The following SMC4 variants were observed in gnomAD, a reference collection of about 807,000 sequenced individuals.
The protein encoded by SMC4 is structural maintenance of chromosomes 4.
A neutral mutation model predicts 145.6 loss-of-function variants in SMC4; 87 were observed. The ratio of observed to expected loss-of-function variants is 0.60; its 90% CI spans 0.50 to 0.71. SMC4 has a LOEUF of 0.71. Among genes scored for constraint, SMC4 ranks in the 30% least tolerant of loss-of-function variants. SMC4 has a pLI of 0.00. For synonymous variants in SMC4, 558 were observed against 500.7 expected, an observed-to-expected ratio of 1.11 and a Z score of -1.53; for missense variants, 1,447 against 1,537.1, an observed-to-expected ratio of 0.94 and a Z score of 0.98.
chr3:160,402,947 T>C, intron 4 of SMC4, 80 bp downstream of exon 4: 1 of 1,090,044 alleles, frequency 9.2e-7, no homozygotes, highest in South Asian at 1.8e-5. Flanking sequence ...TTTTTGGCTT[T>C]AAGAAATTTG....
chr3:160,402,919 AATGCATTACAT>A, intron 4 of SMC4, 52 bp downstream of exon 4: 1 of 1,281,468 alleles, frequency 7.8e-7, no homozygotes, highest in Non-Finnish European at 1.1e-6. Context: ...AATGGACTTA[AATGCATTACAT>A]ATTTTATTTT....
chr3:160,432,013 C>T (rs2108506317), intron 21 of SMC4, among the ~76,000 whole-genome samples, 188 bp downstream of exon 21: 2 of 152,270 alleles, frequency 1.3e-5, no homozygotes, highest in South Asian at 4.1e-4. Context: ...CCAGCTGGGC[C>T]AACATAGTGA....
chr3:160,402,648 G>A (rs1304430283), intron 3 of SMC4, 28 bp from the exon 4 acceptor site: 2 of 1,585,934 alleles, frequency 1.3e-6, no homozygotes, highest in South Asian at 1.2e-5. Flanking sequence ...GAACTTTTCC[G>A]TGTTTTGTTT....
At position 160,410,965 on chromosome 3, in the gene SMC4, T is replaced by G. The variant is rs182719418; in HGVS notation, c.688-955T>G. Among the ~76,000 whole-genome samples, 345 of 152,348 alleles carry G rather than the reference T, an allele frequency of 2.3e-3. 10 individuals carry two copies. Among genetic ancestry groups the G allele is most frequent in the Non-Finnish European group, 2.6e-3 (174 of 68,020 alleles). ...TTTTTTCATTTGCCTGTACCTATTC[T>G]TCCATTGTAATAGTCTAGAGTACAA... On this transcript the variant is annotated intron_variant, in intron 5 of 23. Coordinates refer to ENST00000357388, the MANE Select transcript of SMC4 (RefSeq NM_001002800.3).
chr3:160,414,609 G>A (rs1429673190), intron 9 of SMC4, 92 bp downstream of exon 9: 2 of 1,162,428 alleles, frequency 1.7e-6, no homozygotes, highest in Admixed American at 2.3e-5. Context: ...CTAAGAGAAT[G>A]AATTAGTATT....
chr3:160,402,285 TTTTG>T (rs1451940073), intron 3 of SMC4, among the ~76,000 whole-genome samples, 192 bp downstream of exon 3: 5 of 152,174 alleles, frequency 3.3e-5, no homozygotes, highest in African/African-American at 1.2e-4. Flanking sequence ...TGAAATTATC[TTTTG>T]TTTATCTGGT....
In SMC4 at chr3:160,402,673, C is replaced by A; in HGVS notation, c.319-3C>A. 6.3e-7 allele frequency: 1 copy of A among 1,598,022 alleles called. No individual in the cohort carries two copies. The highest frequency in any genetic ancestry group is 1.1e-5 in the South Asian group (1 of 87,114). On this transcript the variant is annotated splice_region_variant and splice_polypyrimidine_tract_variant and intron_variant, in intron 3 of 23. Coordinates refer to ENST00000357388, the MANE Select transcript of SMC4 (RefSeq NM_001002800.3). Reference sequence around the variant, plus strand: ...GTGTTTTGTTTTTGTTTTTTTAATGCAGCGCTTTTCCTGTATTATCGGGCC... The same window carrying A: ...GTGTTTTGTTTTTGTTTTTTTAATGAAGCGCTTTTCCTGTATTATCGGGCC...
chr3:160,433,297 A>G, intron 23 of SMC4, 88 bp downstream of exon 23: 1 of 936,466 alleles, frequency 1.1e-6, no homozygotes, highest in Non-Finnish European at 1.6e-6. Flanking sequence ...CTTACAATTG[A>G]GCTTTTTCTT....
chr3:160,431,845 G>T lies in SMC4; in HGVS notation c.3297+20G>T. 1 of 1,588,988 alleles carries T rather than the reference G, an allele frequency of 6.3e-7. No homozygotes were observed. Among genetic ancestry groups the T allele is most frequent in the Non-Finnish European group, 8.5e-7 (1 of 1,170,398 alleles). On this transcript the variant is annotated intron_variant, in intron 21 of 23. Coordinates refer to ENST00000357388, the MANE Select transcript of SMC4 (RefSeq NM_001002800.3). ...AAGAAGGTATGAATGAACTGTGTAT[G>T]TATACTAGTTGGAGTTCTTTTTAGT...
At chr3:160,420,581 C>T in intron 12 of SMC4, 159 bp from the exon 13 acceptor site, 2 of 597,242 alleles carry the variant, frequency 3.3e-6, no homozygotes, top group South Asian at 4.9e-5. Context: ...TATTCATAAA[C>T]TTATACATAT....
chr3:160,430,607 A>G lies in SMC4; in HGVS notation c.2804A>G (p.Gln935Arg). ...VAIKTADRNL[Q>R]KAQDSVLRTE... ...TCATTTTGCTTCTTTAGAAACCTTC[A>G]AAAGGCACAAGACTCTGTCTTGCGT... The change falls in exon 19 of 24, where the codon CAA becomes CGA. Residue 935 changes from glutamine (Q) to arginine (R), a missense_variant. Coordinates refer to ENST00000357388, the MANE Select transcript of SMC4 (RefSeq NM_001002800.3). The G allele has an allele frequency of 6.3e-7, 1 of 1,584,266 alleles. No individual in the cohort carries two copies. The highest frequency in any genetic ancestry group is 8.6e-7 in the Non-Finnish European group (1 of 1,168,510).
chr3:160,402,754 C>G lies in SMC4; in HGVS notation c.397C>G (p.Arg133Gly), dbSNP rs760279798. 2 of 1,611,038 alleles carry G rather than the reference C, an allele frequency of 1.2e-6. No homozygotes were observed. The highest frequency in any genetic ancestry group is 2.7e-5 in the African/African-American group (2 of 74,574). Residue 133 changes from arginine (R) to glycine (G), a missense_variant, in exon 4 of 24, where the codon CGA (arginine) becomes GGA (glycine). Transcript: ENST00000357388. ...IDSMLFVFGY[R>G]AQKIRSKKLS... ...TTCTATGCTTTTTGTGTTTGGCTAT[C>G]GAGCACAAAAAATAAGATCTAAAAA... is the stretch of plus-strand genomic sequence containing the variant.
intron 5 of SMC4, among the ~76,000 whole-genome samples, chr3:160,406,930 GACCAT>G (rs1559991391): frequency 6.6e-6 from 1 of 152,118 alleles, no homozygotes; most frequent in Non-Finnish European, 1.5e-5. Flanking sequence ...TGTTGTGATT[GACCAT>G]TGTGTTTTTT....
chr3:160,428,834 A>G lies in SMC4; in HGVS notation c.2687A>G (p.Asn896Ser), dbSNP rs1233169612. The G allele has an allele frequency of 1.9e-6, 3 of 1,607,572 alleles. No homozygotes were observed. Among genetic ancestry groups the G allele is most frequent in the Admixed American group, 1.7e-5 (1 of 57,706 alleles). ...CACAATACCATCGTAGAAATCAATA[A>G]TCATAAACTCAAGGCCCAACAAGAC... ...RLHNTIVEINNHKLKAQQDKL... is the reference protein window; with the variant it reads ...RLHNTIVEINSHKLKAQQDKL... The change falls in exon 18 of 24, where the codon AAT (asparagine) becomes AGT (serine). Residue 896 changes from asparagine (N) to serine (S), a missense_variant. By Grantham distance (46) the Asn-to-Ser change is conservative (BLOSUM62 1). Coordinates refer to ENST00000357388, the MANE Select transcript of SMC4 (RefSeq NM_001002800.3).
intron 22 of SMC4, 75 bp downstream of exon 22, chr3:160,432,590 A>T (rs1228735285): frequency 2.0e-6 from 2 of 991,590 alleles, no homozygotes; most frequent in Admixed American, 3.0e-5. Flanking sequence ...TATTTCTTGG[A>T]GGTAGGATGT....
chr3:160,412,191 A>G (rs1716065750), intron 6 of SMC4, 107 bp downstream of exon 6: 9 of 1,425,054 alleles, frequency 6.3e-6, no homozygotes. Flanking sequence ...AAGAAGTGTT[A>G]TATTGAAATT....
At chr3:160,425,619 G>T (rs1249469236) in intron 16 of SMC4, among the ~76,000 whole-genome samples, 1 of 151,202 alleles carries the variant, frequency 6.6e-6, no homozygotes, top group Non-Finnish European at 1.5e-5. Flanking sequence ...AATTTTTTTT[G>T]TATTATGTAC....
chr3:160,400,947 A>G lies in SMC4; in HGVS notation c.121A>G (p.Ser41Gly), dbSNP rs1714542924. 2 of 1,446,234 alleles carry G rather than the reference A, an allele frequency of 1.4e-6. No individual in the cohort carries two copies. The highest frequency in any genetic ancestry group is 2.9e-5 in the East Asian group (1 of 34,260). 89.6% of individuals were successfully genotyped at this position (1,446,234 alleles called of 1,614,324 possible). A position where few individuals can be genotyped will look rare whatever the true frequency, so the allele number is the denominator to read the frequency against. ...TGAGCCGCCGTCCGGCCGCACGGAG[A>G]GCCCAGCCACCGCCGCAGGTGAGTG... is the stretch of plus-strand genomic sequence containing the variant. Reference protein sequence around the residue: ...EPEPPSGRTESPATAAETASE... With the variant: ...EPEPPSGRTEGPATAAETASE... Residue 41 changes from serine to glycine, a missense_variant, in exon 2 of 24, where the codon AGC becomes GGC. Physicochemically the swap from Ser to Gly is moderately conservative, Grantham distance 56. Coordinates refer to ENST00000357388, the MANE Select transcript of SMC4 (RefSeq NM_001002800.3).
chr3:160,414,467 A>C lies in SMC4; in HGVS notation c.1222A>C (p.Thr408Pro), dbSNP rs763620879. 1.2e-6 allele frequency: 2 copies of C among 1,611,742 alleles called. No homozygotes were observed. The highest frequency in any genetic ancestry group is 1.7e-6 in the Non-Finnish European group (2 of 1,179,432). ...AGTTAGAGAAAAGTTAAAACATGCC[A>C]CGAGTAAAGCCAAAAAACTGGAGAA... The part of the protein sequence containing the change: ...VQVREKLKHA[T>P]SKAKKLEKQL... Residue 408 changes from threonine (T) to proline (P), a missense_variant, in exon 9 of 24, where the codon ACG (threonine) becomes CCG (proline). Coordinates refer to ENST00000357388, the MANE Select transcript of SMC4 (RefSeq NM_001002800.3).
Sources: allele counts gnomAD v4.1 joint callset (sites outside exome capture counted in the v4.1 genomes callset), GRCh38; gene constraint gnomAD v4.1.1; transcripts MANE v1.5; gene names NCBI Gene and HGNC (gene_info 2026-07-23, HGNC 2026-07-21).